The following GRM1 variants were observed in gnomAD, a reference collection of about 807,000 sequenced individuals.
GRM1 encodes glutamate metabotropic receptor 1, also known as metabotropic glutamate receptor 1.
Under a neutral mutation model 90.9 loss-of-function variants are expected in GRM1, and 33 were observed. The observed-to-expected ratio is 0.36, with a 90% CI of 0.28 to 0.49. GRM1 has a LOEUF of 0.49. GRM1 is among the 20% of genes least tolerant of loss of function. The pLI, the probability that GRM1 is intolerant of heterozygous loss-of-function variation, is 0.99. For synonymous variants in GRM1, 700 were observed against 613.2 expected (o/e 1.14, Z -2.09); for missense variants, 1,190 against 1,534.3 (o/e 0.78, Z 3.75).
chr6:146,371,707 A>C (rs1325479505), intron 5 of GRM1, among the ~76,000 whole-genome samples: 3 of 152,160 alleles, frequency 2.0e-5, no homozygotes, highest in Admixed American at 6.6e-5. Flanking sequence ...ATAAGTGGGA[A>C]TATGTGATGC....
chr6:146,248,598 T>C (rs967202607), intron 2 of GRM1, among the ~76,000 whole-genome samples: 2 of 152,196 alleles, frequency 1.3e-5, no homozygotes, highest in African/African-American at 4.8e-5. Context: ...CAATTAAACC[T>C]CTTCTGTTTA....
In GRM1 at chr6:146,173,662, G is replaced by T. The variant is rs371331720; in HGVS notation, c.950+14065G>T. Among the ~76,000 whole-genome samples, 7 of 144,986 alleles carry T rather than the reference G, an allele frequency of 4.8e-5. No individual in the cohort carries two copies. The East Asian group carries it at 1.4e-3, about 29-fold the overall frequency. On this transcript the variant is annotated intron_variant, in intron 2 of 7. Coordinates refer to ENST00000282753, the MANE Select transcript of GRM1 (RefSeq NM_001278064.2). ...AAAATTGCAGAATAATTTTTTTCCT[G>T]AGGTTCTTTTTTTTTTTTTTTCGAG... is the stretch of plus-strand genomic sequence containing the variant.
intron 2 of GRM1, among the ~76,000 whole-genome samples, chr6:146,160,220 CG>C (rs1777674219): frequency 6.6e-6 from 1 of 152,230 alleles, no homozygotes; most frequent in East Asian, 1.9e-4. Flanking sequence ...AGATATGCAA[CG>C]GAACTGTGGA....
At chr6:146,080,785 A>C (rs1776340124) in intron 1 of GRM1, among the ~76,000 whole-genome samples, 1 of 152,220 alleles carries the variant, frequency 6.6e-6, no homozygotes, top group Non-Finnish European at 1.5e-5. Context: ...ATAAAGTAGA[A>C]GTGGCTGCAC....
chr6:146,354,881 G>T, intron 4 of GRM1, among the ~76,000 whole-genome samples: 1 of 152,148 alleles, frequency 6.6e-6, no homozygotes, highest in East Asian at 1.9e-4. Flanking sequence ...AATGAAGTCA[G>T]TATTTTTCCC....
intron 1 of GRM1, among the ~76,000 whole-genome samples, chr6:146,074,335 G>A (rs56803015): frequency 0.016 from 2,478 of 152,154 alleles, 58 homozygotes; most frequent in African/African-American, 0.056. Flanking sequence ...TTTTCCACAG[G>A]AGGAGTTTAA....
chr6:146,209,085 T>C (rs1171469656), intron 2 of GRM1, among the ~76,000 whole-genome samples: 1 of 152,160 alleles, frequency 6.6e-6, no homozygotes, highest in African/African-American at 2.4e-5. Flanking sequence ...TATTAATATT[T>C]TAGACAAGAA....
intron 2 of GRM1, among the ~76,000 whole-genome samples, chr6:146,276,463 C>A (rs1389468216): frequency 1.3e-5 from 2 of 152,068 alleles, no homozygotes; most frequent in African/African-American, 4.8e-5. Context: ...GAATTCTATC[C>A]TTCCAGTTGT....
At chr6:146,341,851 TG>T (rs1267790118) in intron 3 of GRM1, among the ~76,000 whole-genome samples, 1 of 152,220 alleles carries the variant, frequency 6.6e-6, no homozygotes, top group African/African-American at 2.4e-5. Flanking sequence ...GACAATTCCT[TG>T]TGGCACCTTA....
At chr6:146,098,633 T>C (rs1776948184) in intron 1 of GRM1, among the ~76,000 whole-genome samples, 1 of 152,116 alleles carries the variant, frequency 6.6e-6, no homozygotes, top group Non-Finnish European at 1.5e-5. Flanking sequence ...TGATATGGTT[T>C]GGCTGTGTCC....
chr6:146,189,742 C>G (rs1003450026), intron 2 of GRM1, among the ~76,000 whole-genome samples: 9 of 152,170 alleles, frequency 5.9e-5, no homozygotes, highest in Non-Finnish European at 1.2e-4. Flanking sequence ...TCTGCAGAAG[C>G]AGCGTCATGG....
intron 2 of GRM1, among the ~76,000 whole-genome samples, chr6:146,213,649 A>C (rs1182273871): frequency 6.6e-6 from 1 of 152,126 alleles, no homozygotes; most frequent in African/African-American, 2.4e-5. Flanking sequence ...CTCCAAAGAA[A>C]GAACCAATAG....
intron 3 of GRM1, among the ~76,000 whole-genome samples, chr6:146,314,113 C>T (rs749222628): frequency 8.8e-6 from 1 of 113,802 alleles, no homozygotes; most frequent in Non-Finnish European, 1.6e-5. Flanking sequence ...GTTGCCCAGG[C>T]TGGAATGCAA....
At chr6:146,275,610 G>A (rs981733278) in intron 2 of GRM1, among the ~76,000 whole-genome samples, 1 of 150,604 alleles carries the variant, frequency 6.6e-6, no homozygotes, top group African/African-American at 2.5e-5. Context: ...TTTATCTTTA[G>A]CTCTAGCTCT....
rs1453041466 is a variant in GRM1, at chr6:146,399,095, C to T, written c.2056C>T (p.Leu686=). 2.5e-6 allele frequency: 4 copies of T among 1,614,138 alleles called. No individual in the cohort carries two copies. The highest frequency in any genetic ancestry group is 2.2e-5 in the South Asian group (2 of 91,086). Residue 686 remains leucine, a synonymous_variant, in exon 7 of 8, where the codon CTG becomes TTG. Transcript: ENST00000282753. This position sits in a 1 kb window ranked among gnomAD's most constrained non-coding sequence, Gnocchi z 5.4. ...VTKTNRIARI[L]AGSKKKICTR... ...TAAAACCAATCGTATTGCACGCATC[C>T]TGGCTGGCAGCAAGAAGAAGATCTG...
chr6:146,304,377 G>T (rs1461862766), intron 2 of GRM1, among the ~76,000 whole-genome samples: 1 of 152,120 alleles, frequency 6.6e-6, no homozygotes, highest in African/African-American at 2.4e-5. Context: ...AATTGTAAGT[G>T]TTGCTGTCAT....
chr6:146,289,358 G>A (rs749589551), intron 2 of GRM1, among the ~76,000 whole-genome samples: 26 of 151,926 alleles, frequency 1.7e-4, no homozygotes, highest in East Asian at 3.9e-4. Flanking sequence ...AAAAAGTGAC[G>A]TAATTAGAAA....
At chr6:146,342,646 A>G (rs1418508283) in intron 3 of GRM1, among the ~76,000 whole-genome samples, 4 of 152,224 alleles carry the variant, frequency 2.6e-5, no homozygotes, top group Non-Finnish European at 5.9e-5. Flanking sequence ...CCGTTTCATA[A>G]GTCCTTGTGA....
chr6:146,380,030 C>A (rs542859644), intron 5 of GRM1, among the ~76,000 whole-genome samples: 3 of 152,164 alleles, frequency 2.0e-5, no homozygotes, highest in African/African-American at 7.2e-5. Flanking sequence ...GTAGCCACCA[C>A]AACTATGACT....
Sources: allele counts gnomAD v4.1 joint callset (sites outside exome capture counted in the v4.1 genomes callset), GRCh38; gene constraint gnomAD v4.1.1; non-coding constraint Gnocchi (gnomAD v3.1); transcripts MANE v1.5; gene names NCBI Gene and HGNC (gene_info 2026-07-23, HGNC 2026-07-21).